Variants in GPR174 observed in about 807,000 individuals in gnomAD.
GPR174 encodes G protein-coupled receptor 174, also known as probable G protein-coupled receptor 174.
Under a neutral mutation model 16.5 loss-of-function variants are expected in GPR174, and 8 were observed. The ratio of observed to expected loss-of-function variants is 0.48; its 90% CI spans 0.28 to 0.87. The LOEUF (loss-of-function observed/expected upper bound fraction) is 0.87. Among genes scored for constraint, GPR174 ranks in the 40% least tolerant of loss-of-function variants. The probability of loss-of-function intolerance (pLI) is 0.09; values close to 1 mark genes in which losing one functional copy is unlikely to be tolerated. For synonymous variants in GPR174, 111 were observed against 94.8 expected, an observed-to-expected ratio of 1.17 and a Z score of -0.99; for missense variants, 214 against 247.5, an observed-to-expected ratio of 0.86 and a Z score of 0.91.
rs1921441088 is a variant in GPR174, at chrX:79,168,874, G to A, written c.-556-1578G>A. Among the ~76,000 whole-genome samples the A allele has an allele frequency of 3.6e-5, 4 of 111,401 alleles. No individual in the cohort carries two copies. The South Asian group carries it at 1.5e-3, about 41-fold the overall frequency. ...TCATAGATAATGAAGCTTGCATATAGTAGGTCTCAGCAAAATGATACAGAA... is the reference window on the plus strand; with the variant it reads ...TCATAGATAATGAAGCTTGCATATAATAGGTCTCAGCAAAATGATACAGAA... On this transcript the variant is annotated intron_variant, in intron 2 of 2. Transcript: ENST00000645147.
At chrX:79,163,019 G>A (rs2147455354) in intron 2 of GPR174, among the ~76,000 whole-genome samples, 1 of 111,859 alleles carries the variant, frequency 8.9e-6, no homozygotes, top group South Asian at 3.7e-4. Flanking sequence ...TACATGCTGT[G>A]TGCTAGAACA....
intron 1 of GPR174, among the ~76,000 whole-genome samples, chrX:79,152,871 C>A (rs1234527368): frequency 1.8e-5 from 2 of 112,005 alleles, no homozygotes; most frequent in African/African-American, 6.5e-5. Flanking sequence ...TTTACCAGAG[C>A]TCCTCTGTAC....
Position 79,171,406 on chromosome X carries a change from T to C in GPR174, c.399T>C (p.Tyr133=). ...PFRFHDCKQK[Y]DLYISIAGWL... Reference sequence around the variant, plus strand: ...GCTTCCATGACTGCAAACAGAAATATGACCTGTACATCAGCATTGCTGGCT... The same window carrying C: ...GCTTCCATGACTGCAAACAGAAATACGACCTGTACATCAGCATTGCTGGCT... Residue 133 remains tyrosine, a synonymous_variant, in exon 3 of 3, where the codon TAT becomes TAC. Coordinates refer to ENST00000645147, the MANE Select transcript of GPR174 (RefSeq NM_032553.3). 8.3e-7 allele frequency: 1 copy of C among 1,211,993 alleles called. No homozygotes were observed. The highest frequency in any genetic ancestry group is 1.1e-6 in the Non-Finnish European group (1 of 895,564).
chrX:79,166,432 C>CTTTTTTTTTTTTTTTTTTTTTTTTTTT (rs1174620976), intron 2 of GPR174, among the ~76,000 whole-genome samples: 1 of 43,625 alleles, frequency 2.3e-5, no homozygotes, highest in Non-Finnish European at 3.7e-5. Flanking sequence ...TTTCTTTTTT[C>CTTTTTTTTTTTTTTTTTTTTTTTTTTT]TTTTTTTTTT....
At chrX:79,162,915 A>G (rs977883104) in intron 2 of GPR174, among the ~76,000 whole-genome samples, 2 of 111,856 alleles carry the variant, frequency 1.8e-5, no homozygotes, top group African/African-American at 3.3e-5. Flanking sequence ...AAATTCTCCT[A>G]TTAGGAATTT....
intron 2 of GPR174, among the ~76,000 whole-genome samples, chrX:79,166,626 A>G (rs1351174330): frequency 1.9e-5 from 2 of 107,242 alleles, no homozygotes; most frequent in Non-Finnish European, 3.8e-5. Context: ...TTTAGTAGAG[A>G]TGGGGTTTCA....
intron 2 of GPR174, among the ~76,000 whole-genome samples, chrX:79,162,409 A>T (rs961168785): frequency 3.5e-4 from 39 of 111,688 alleles, no homozygotes; most frequent in African/African-American, 9.8e-5. Flanking sequence ...TTATCAGTTT[A>T]AAAAAAAGGT....
At chrX:79,149,825 T>G (rs1217357712) in intron 1 of GPR174, among the ~76,000 whole-genome samples, 1 of 106,607 alleles carries the variant, frequency 9.4e-6, no homozygotes, top group Non-Finnish European at 1.9e-5. Context: ...CCCTCAGTTT[T>G]TTTTTTTTTT....
chrX:79,144,999 TCTCTCTCTTTC>T lies in GPR174; in HGVS notation c.-871_-861del, dbSNP rs1569277541. 45 of 35,289 alleles carry T rather than the reference TCTCTCTCTTTC, an allele frequency of 1.3e-3. No individual in the cohort carries two copies. The highest frequency in any genetic ancestry group is 2.5e-3 in the Non-Finnish European group (38 of 15,444). The allele number at this position is 35,289 out of a possible 1,213,427, so 2.9% of individuals were successfully genotyped here. ...TTCTTTTTCTTTCTTTCTTTCTCTC[TCTCTCTCTTTC>T]TTTCTTTCTTTCTTTCTTTCTTTCT... On this transcript the variant is annotated 5_prime_UTR_variant, in exon 1 of 3. Coordinates refer to ENST00000645147, the MANE Select transcript of GPR174 (RefSeq NM_032553.3).
chrX:79,171,379 T>C lies in GPR174; in HGVS notation c.372T>C (p.Phe124=). 2 of 1,211,809 alleles carry C rather than the reference T, an allele frequency of 1.7e-6. No homozygotes were observed. Among genetic ancestry groups the C allele is most frequent in the Non-Finnish European group, 2.2e-6 (2 of 895,498 alleles). The change falls in exon 3 of 3, where the codon TTT becomes TTC. Residue 124 remains phenylalanine (F), a synonymous_variant. Coordinates refer to ENST00000645147, the MANE Select transcript of GPR174 (RefSeq NM_032553.3). Reference sequence around the variant, plus strand: ...GATTTTGGTTTCTCATGTACCCCTTTCGCTTCCATGACTGCAAACAGAAAT... The same window carrying C: ...GATTTTGGTTTCTCATGTACCCCTTCCGCTTCCATGACTGCAAACAGAAAT... ...VRRFWFLMYP[F]RFHDCKQKYD... is the part of the protein sequence containing the mutation.
intron 2 of GPR174, among the ~76,000 whole-genome samples, chrX:79,170,216 C>A (rs1361515537): frequency 9.0e-6 from 1 of 111,442 alleles, no homozygotes; most frequent in African/African-American, 3.3e-5. Context: ...TTGTAACAAG[C>A]TCCCAAGCGT....
intron 1 of GPR174, among the ~76,000 whole-genome samples, chrX:79,152,920 A>G (rs1379680643): frequency 1.8e-5 from 2 of 112,079 alleles, no homozygotes; most frequent in Non-Finnish European, 3.8e-5. Context: ...TTGAAATCAC[A>G]CTGGGAACAT....
chrX:79,165,309 A>C (rs966649551), intron 2 of GPR174, among the ~76,000 whole-genome samples: 12 of 47,162 alleles, frequency 2.5e-4, no homozygotes, highest in Admixed American at 1.8e-3. Flanking sequence ...ACTAAGACAA[A>C]AAAAAAAAAA....
chrX:79,149,152 T>C (rs1926555797), intron 1 of GPR174, among the ~76,000 whole-genome samples: 1 of 111,968 alleles, frequency 8.9e-6, no homozygotes, highest in South Asian at 3.7e-4. Context: ...ATCTATAGTT[T>C]CATGGCCCCT....
chrX:79,167,738 G>C (rs1050238450), intron 2 of GPR174, among the ~76,000 whole-genome samples: 1 of 112,019 alleles, frequency 8.9e-6, no homozygotes, highest in Non-Finnish European at 1.9e-5. Context: ...AGAGGAAATT[G>C]CTTTCAGATC....
At chrX:79,158,441 TCTTTTTC>T (rs1921151322) in intron 2 of GPR174, among the ~76,000 whole-genome samples, 1 of 75,792 alleles carries the variant, frequency 1.3e-5, no homozygotes, top group Non-Finnish European at 2.7e-5. Context: ...TTTCTTTCTT[TCTTTTTC>T]TTTTTTTTTT....
At chrX:79,164,802 A>G (rs1156670448) in intron 2 of GPR174, among the ~76,000 whole-genome samples, 1 of 111,644 alleles carries the variant, frequency 9.0e-6, no homozygotes, top group Non-Finnish European at 1.9e-5. Flanking sequence ...CTAGCAAAAG[A>G]TAAAACTGTG....
chrX:79,154,473 A>G (rs989062879), intron 1 of GPR174, among the ~76,000 whole-genome samples: 2 of 111,830 alleles, frequency 1.8e-5, no homozygotes, highest in Non-Finnish European at 3.8e-5. Flanking sequence ...ATCTGTGCCA[A>G]CTAGAAAAGT....
Position 79,149,346 on chromosome X carries a change from C to T in GPR174, c.-654+4129C>T, listed in dbSNP as rs148823867. ...TATTTTTATACCTTATAAATGTATC[C>T]GTTGACTTCTCTCTCTTCTAAGAAA... On this transcript the variant is annotated intron_variant, in intron 1 of 2. Coordinates refer to ENST00000645147, the MANE Select transcript of GPR174 (RefSeq NM_032553.3). 6.0e-3 allele frequency among the ~76,000 whole-genome samples: 664 copies of T among 110,531 alleles called. 8 individuals are homozygous for T. The highest frequency in any genetic ancestry group is 0.021 in the African/African-American group (641 of 30,402).
Sources: gnomAD v4.1 joint callset for allele counts (sites outside exome capture counted in the v4.1 genomes callset) on GRCh38, gnomAD v4.1.1 for gene constraint, MANE v1.5 for transcripts, NCBI Gene and HGNC (gene_info 2026-07-23, HGNC 2026-07-21) for gene names.